Variants in LRP1B observed in about 807,000 individuals in gnomAD.
LRP1B encodes low-density lipoprotein receptor-related protein 1B.
A neutral mutation model predicts 556.6 loss-of-function variants in LRP1B; 217 were observed. The ratio of observed to expected loss-of-function variants is 0.39; its 90% CI spans 0.35 to 0.44. LRP1B has a LOEUF of 0.44. LRP1B is among the 20% of genes least tolerant of loss of function. LRP1B has a pLI of 1.00. For missense variants in LRP1B, 5,053 were observed against 5,620.8 expected, an observed-to-expected ratio of 0.90 and a Z score of 3.23; for synonymous variants, 2,047 against 1,865.8, an observed-to-expected ratio of 1.10 and a Z score of -2.50.
chr2:141,674,404 T>C (rs1228133779), intron 2 of LRP1B, among the ~76,000 whole-genome samples: 1 of 152,102 alleles, frequency 6.6e-6, no homozygotes, highest in African/African-American at 2.4e-5. Context: ...TTCCCATCTC[T>C]TGTCTTCTTA....
intron 2 of LRP1B, among the ~76,000 whole-genome samples, chr2:141,663,937 C>A (rs67521936): frequency 0.097 from 12,681 of 130,174 alleles, 603 homozygotes; most frequent in South Asian, 0.17. Context: ...AAAAAAAAAA[C>A]AAAAACACAA....
chr2:140,684,150 C>T (rs967390673), intron 41 of LRP1B, among the ~76,000 whole-genome samples: 2 of 152,130 alleles, frequency 1.3e-5, no homozygotes, highest in Admixed American at 1.3e-4. Flanking sequence ...ATGTCTCATG[C>T]TACATGAGAG....
intron 2 of LRP1B, among the ~76,000 whole-genome samples, chr2:141,614,563 G>A (rs953232337): frequency 1.1e-4 from 16 of 152,140 alleles, no homozygotes; most frequent in Non-Finnish European, 2.1e-4. Context: ...GGTAGAAGAA[G>A]GAGATTGAGA....
chr2:141,773,434 T>C (rs1490648329), intron 2 of LRP1B, among the ~76,000 whole-genome samples: 2 of 152,220 alleles, frequency 1.3e-5, no homozygotes, highest in African/African-American at 2.4e-5. Context: ...TACGGTTTCC[T>C]GCAAGAAAAG....
intron 7 of LRP1B, among the ~76,000 whole-genome samples, chr2:141,147,016 T>C (rs1701802240): frequency 1.3e-5 from 2 of 152,202 alleles, no homozygotes; most frequent in Non-Finnish European, 2.9e-5. Context: ...TCTGGTTAAA[T>C]TCAGCCAGTG....
chr2:141,105,216 A>G (rs563423541), intron 7 of LRP1B, among the ~76,000 whole-genome samples: 3 of 152,246 alleles, frequency 2.0e-5, no homozygotes, highest in Non-Finnish European at 4.4e-5. Context: ...AAATGTGGGG[A>G]AAAACTGACA....
intron 83 of LRP1B, among the ~76,000 whole-genome samples, chr2:140,305,160 A>T (rs1432811799): frequency 1.3e-5 from 2 of 152,128 alleles, no homozygotes; most frequent in Non-Finnish European, 2.9e-5. Context: ...GTTCCATATG[A>T]ACTTTAAAGT....
At chr2:140,235,819 C>CATT (rs1680672214) in intron 89 of LRP1B, among the ~76,000 whole-genome samples, 1 of 150,896 alleles carries the variant, frequency 6.6e-6, no homozygotes. Flanking sequence ...AAAAATAACC[C>CATT]TCCTTCATAT....
chr2:140,314,413 A>G (rs1231272694), intron 83 of LRP1B, among the ~76,000 whole-genome samples: 1 of 152,074 alleles, frequency 6.6e-6, no homozygotes, highest in East Asian at 1.9e-4. Flanking sequence ...AATCTCAAAT[A>G]TATCCTAAGA....
chr2:141,153,522 A>G (rs1440437553), intron 7 of LRP1B, among the ~76,000 whole-genome samples: 3 of 128,864 alleles, frequency 2.3e-5, no homozygotes, highest in African/African-American at 8.8e-5. Context: ...TATATAAGCT[A>G]TATATTTATA....
intron 7 of LRP1B, among the ~76,000 whole-genome samples, chr2:141,131,165 T>C (rs1211372667): frequency 3.3e-5 from 5 of 151,958 alleles, no homozygotes; most frequent in African/African-American, 4.8e-5. Flanking sequence ...ATAGTACAGA[T>C]AGTCTCCACT....
At chr2:141,033,874 AT>A (rs1301041014) in intron 11 of LRP1B, among the ~76,000 whole-genome samples, 6 of 152,084 alleles carry the variant, frequency 3.9e-5, no homozygotes, top group African/African-American at 1.4e-4. Context: ...TAAATTTTAT[AT>A]TTTTTGTGTT....
intron 31 of LRP1B, among the ~76,000 whole-genome samples, chr2:140,834,850 AG>A (rs1559146633): frequency 6.6e-6 from 1 of 152,226 alleles, no homozygotes; most frequent in African/African-American, 2.4e-5. Flanking sequence ...GTTCTCTTTC[AG>A]ATGTCATTAT....
chr2:141,671,138 T>C (rs1690651036), intron 2 of LRP1B, among the ~76,000 whole-genome samples: 1 of 152,104 alleles, frequency 6.6e-6, no homozygotes, highest in South Asian at 2.1e-4. Flanking sequence ...TTACAATTAG[T>C]GAGGTAAGGA....
chr2:141,501,267 C>T (rs16846311), intron 2 of LRP1B, among the ~76,000 whole-genome samples: 4,748 of 151,952 alleles, frequency 0.031, 269 homozygotes, highest in African/African-American at 0.11. Context: ...CTAATAAATT[C>T]AAGCTAGAAA....
chr2:141,438,856 A>G (rs1391178396), intron 3 of LRP1B, among the ~76,000 whole-genome samples: 1 of 152,184 alleles, frequency 6.6e-6, no homozygotes, highest in Non-Finnish European at 1.5e-5. Flanking sequence ...GCAGGCAAGT[A>G]AAGGACCTAG....
At chr2:141,934,297 A>T (rs1700578072) in intron 1 of LRP1B, among the ~76,000 whole-genome samples, 1 of 152,044 alleles carries the variant, frequency 6.6e-6, no homozygotes, top group Non-Finnish European at 1.5e-5. Context: ...GATGATGAAA[A>T]ATCTAATTGA....
chr2:140,875,268 A>G (rs1033026494), intron 25 of LRP1B, among the ~76,000 whole-genome samples: 6 of 152,272 alleles, frequency 3.9e-5, no homozygotes, highest in Non-Finnish European at 8.8e-5. Flanking sequence ...ATTAATCACT[A>G]AAGTCAAAGG....
At chr2:142,064,755 C>A (rs1705044089) in intron 1 of LRP1B, among the ~76,000 whole-genome samples, 1 of 151,486 alleles carries the variant, frequency 6.6e-6, no homozygotes, top group South Asian at 2.1e-4. Flanking sequence ...CTATCTGTAT[C>A]TATCATTTTT....
Sources: gnomAD v4.1 joint callset for allele counts (sites outside exome capture counted in the v4.1 genomes callset) on GRCh38, gnomAD v4.1.1 for gene constraint, MANE v1.5 for transcripts, NCBI Gene and HGNC (gene_info 2026-07-23, HGNC 2026-07-21) for gene names.